PPP2R2C: variants seen among roughly 807,000 people sequenced by gnomAD.
PPP2R2C encodes protein phosphatase 2, regulatory subunit B, gamma.
A neutral mutation model predicts 45.3 loss-of-function variants in PPP2R2C; 10 were observed. The observed-to-expected ratio is 0.22, with a 90% CI of 0.14 to 0.37. The LOEUF is 0.37. Among genes scored for constraint, PPP2R2C ranks in the 10% least tolerant of loss-of-function variants. The pLI is 1.00. For synonymous variants in PPP2R2C, 257 were observed against 245.4 expected, an observed-to-expected ratio of 1.05 and a Z score of -0.44; for missense variants, 308 against 619.7, an observed-to-expected ratio of 0.50 and a Z score of 5.34.
Position 6,364,174 on chromosome 4 carries a change from G to A in PPP2R2C, c.625+8349C>T, listed in dbSNP as rs961647522. ...GTCATGGAGGGGATGGACTAGTTCC[G>A]ACAGACTGGTCAAGGAAGGCCTCTT... On this transcript the variant is annotated intron_variant, in intron 5 of 8. Transcript: ENST00000382599. The surrounding 1 kb of genome is among the most constrained non-coding windows in gnomAD (Gnocchi z 5.3). 6.6e-6 allele frequency among the ~76,000 whole-genome samples: 1 copy of A among 152,192 alleles called. No homozygotes were observed. The highest frequency in any genetic ancestry group is 1.5e-5 in the Non-Finnish European group (1 of 68,042).
intron 1 of PPP2R2C, among the ~76,000 whole-genome samples, chr4:6,448,120 C>A (rs1362529736): frequency 6.6e-6 from 1 of 152,112 alleles, no homozygotes; most frequent in Non-Finnish European, 1.5e-5. Flanking sequence ...CACCTGAGGG[C>A]GAGAAGAAAG....
intron 1 of PPP2R2C, among the ~76,000 whole-genome samples, chr4:6,449,449 A>G (rs546721210): frequency 6.6e-6 from 1 of 152,222 alleles, no homozygotes; most frequent in African/African-American, 2.4e-5. Flanking sequence ...TAATAATAAA[A>G]TGAGTTCATT....
At chr4:6,439,663 C>T (rs1038362537) in intron 1 of PPP2R2C, among the ~76,000 whole-genome samples, 1 of 152,118 alleles carries the variant, frequency 6.6e-6, no homozygotes, top group Non-Finnish European at 1.5e-5. Flanking sequence ...CCATCTCATC[C>T]ACTCTCCCCA....
At chr4:6,327,218 G>C (rs373913421) in intron 8 of PPP2R2C, among the ~76,000 whole-genome samples, 1 of 152,218 alleles carries the variant, frequency 6.6e-6, no homozygotes, top group Admixed American at 6.5e-5. Flanking sequence ...CACCCATTGC[G>C]GGAGGCAAAC....
Position 6,358,678 on chromosome 4 carries a change from G to A in PPP2R2C, c.626-10668C>T, listed in dbSNP as rs1007303651. Among the ~76,000 whole-genome samples the A allele has an allele frequency of 1.4e-4, 22 of 152,296 alleles. No homozygotes were observed. The Middle Eastern group carries it at 0.01, about 71-fold the overall frequency. On this transcript the variant is annotated intron_variant, in intron 5 of 8. Coordinates refer to ENST00000382599, the MANE Select transcript of PPP2R2C (RefSeq NM_020416.4). ...AAATCAAACAACACCATCAAAAAGT[G>A]GGCAAAGGATATGAAGAGATACTTT...
intron 1 of PPP2R2C, among the ~76,000 whole-genome samples, chr4:6,463,441 C>G (rs4444913): frequency 0.99 from 150,404 of 152,322 alleles, 74,284 homozygotes; most frequent in East Asian, 1. Context: ...TCCCTGCTTG[C>G]GGCAGCCCAC....
At chr4:6,531,496 C>T (rs575218654) in intron 2 of PPP2R2C, among the ~76,000 whole-genome samples, 7 of 152,220 alleles carry the variant, frequency 4.6e-5, no homozygotes, top group African/African-American at 1.7e-4. Context: ...TAACGCCCCT[C>T]CAAGGGACTT....
intron 1 of PPP2R2C, among the ~76,000 whole-genome samples, chr4:6,442,242 A>G (rs1429023904): frequency 2.6e-5 from 4 of 152,154 alleles, no homozygotes; most frequent in African/African-American, 9.6e-5. Context: ...GCTCCCCACT[A>G]TCTGCACCCC....
chr4:6,396,496 T>C (rs1054728968), intron 1 of PPP2R2C, among the ~76,000 whole-genome samples: 6 of 152,178 alleles, frequency 3.9e-5, no homozygotes, highest in African/African-American at 1.4e-4. Context: ...TTTCCTCCAG[T>C]TTTTCCTGGA....
chr4:6,406,078 T>G (rs2109358445), intron 1 of PPP2R2C, among the ~76,000 whole-genome samples: 1 of 152,312 alleles, frequency 6.6e-6, no homozygotes, highest in East Asian at 1.9e-4. Flanking sequence ...TAAGTGCTCA[T>G]GTTGAGCCTC....
chr4:6,556,064 G>A (rs1020108955), intron 1 of PPP2R2C, among the ~76,000 whole-genome samples: 6 of 152,164 alleles, frequency 3.9e-5, no homozygotes, highest in South Asian at 2.1e-4. Flanking sequence ...TCCTGTGACC[G>A]AGAGCCTCCT....
At chr4:6,381,359 A>G in intron 1 of PPP2R2C, 1 of 1,496,834 alleles carries the variant, frequency 6.7e-7, no homozygotes, top group Non-Finnish European at 8.9e-7. Context: ...AGTGGCTGGC[A>G]GACTTTATAG....
chr4:6,335,190 T>C (rs1732750030), intron 6 of PPP2R2C, among the ~76,000 whole-genome samples: 2 of 152,052 alleles, frequency 1.3e-5, no homozygotes, highest in African/African-American at 4.8e-5. Context: ...CAGCCAACAT[T>C]CTCCTTGCAG....
intron 6 of PPP2R2C, 130 bp from the exon 7 acceptor site, chr4:6,333,861 A>T: frequency 1.0e-6 from 1 of 965,036 alleles, no homozygotes; most frequent in Non-Finnish European, 1.6e-6. Flanking sequence ...CCTCAAACCT[A>T]GAACTAAACA....
chr4:6,385,819 G>A (rs1293666442), intron 1 of PPP2R2C, among the ~76,000 whole-genome samples: 11 of 151,978 alleles, frequency 7.2e-5, no homozygotes, highest in Admixed American at 5.9e-4. Context: ...TGCCCACCTC[G>A]ACCTCCCAAA....
chr4:6,423,153 G>T (rs919763026), intron 1 of PPP2R2C, among the ~76,000 whole-genome samples: 1 of 152,214 alleles, frequency 6.6e-6, no homozygotes, highest in African/African-American at 2.4e-5. Flanking sequence ...CCTACTGTGT[G>T]TCAGGCTCTG....
intron 1 of PPP2R2C, among the ~76,000 whole-genome samples, chr4:6,458,733 G>T (rs1560563647): frequency 6.6e-6 from 1 of 152,216 alleles, no homozygotes; most frequent in Non-Finnish European, 1.5e-5. Flanking sequence ...TGCAGCGGAA[G>T]CAGGCATGAC....
chr4:6,374,856 A>G (rs1577122314), intron 4 of PPP2R2C, among the ~76,000 whole-genome samples: 2 of 152,168 alleles, frequency 1.3e-5, no homozygotes, highest in East Asian at 3.8e-4. Context: ...GGTGGGTAGA[A>G]TGCTGTGCAG....
intron 1 of PPP2R2C, among the ~76,000 whole-genome samples, chr4:6,554,373 T>TC (rs1725290251): frequency 1.3e-5 from 2 of 151,972 alleles, no homozygotes; most frequent in African/African-American, 4.8e-5. Context: ...CAGGACAGAT[T>TC]CCCCCTCTAA....
Sources: allele counts gnomAD v4.1 joint callset (sites outside exome capture counted in the v4.1 genomes callset), GRCh38; gene constraint gnomAD v4.1.1; non-coding constraint Gnocchi (gnomAD v3.1); transcripts MANE v1.5; gene names NCBI Gene and HGNC (gene_info 2026-07-23, HGNC 2026-07-21).